Variants in BLK observed in about 807,000 individuals in gnomAD.
BLK encodes the protein tyrosine-protein kinase Blk.
A neutral mutation model predicts 61.8 loss-of-function variants in BLK; 64 were observed. The observed-to-expected ratio is 1.03, with a 90% CI of 0.85 to 1.27. The LOEUF (loss-of-function observed/expected upper bound fraction) is 1.27. BLK is among the 50% of genes most tolerant of loss of function. The pLI, the probability that BLK is intolerant of heterozygous loss-of-function variation, is 0.00. For missense variants in BLK, 853 were observed against 660.5 expected (o/e 1.29, Z -3.19); for synonymous variants, 351 against 272.0 (o/e 1.29, Z -2.86).
intron 9 of BLK, 145 bp downstream of exon 9, chr8:11,556,982 T>C (rs991311463): frequency 1.0e-4 from 31 of 301,038 alleles, no homozygotes; most frequent in African/African-American, 1.7e-4. Context: ...CAGGGAGGGA[T>C]GGAGGGAGGG....
intron 1 of BLK, among the ~76,000 whole-genome samples, chr8:11,537,621 C>A (rs1800186678): frequency 6.6e-6 from 1 of 152,188 alleles, no homozygotes; most frequent in African/African-American, 2.4e-5. Flanking sequence ...GTAACACCCT[C>A]CAGCTGCCAG....
intron 2 of BLK, 122 bp from the exon 3 acceptor site, chr8:11,545,930 G>A (rs1047710196): frequency 4.9e-6 from 5 of 1,025,682 alleles, no homozygotes; most frequent in Middle Eastern, 5.6e-4. Flanking sequence ...ACAGGCAGCT[G>A]CCTCTCCTCC....
chr8:11,555,377 G>T lies in BLK; in HGVS notation c.665G>T (p.Arg222Leu), dbSNP rs898140517. 2.5e-6 allele frequency: 4 copies of T among 1,614,010 alleles called. No homozygotes were observed. The highest frequency in any genetic ancestry group is 2.2e-5 in the South Asian group (2 of 91,080). The stretch of plus-strand genomic sequence containing the variant: ...CAGAGGCTGACCCTGCCCTGTGTGC[G>T]CCCGGCCCCGCAGAATCCCTGGGCC... The part of the protein sequence containing the change: ...LCQRLTLPCV[R>L]PAPQNPWAQD... The change falls in exon 8 of 13, where the codon CGC (arginine) becomes CTC (leucine). Residue 222 changes from arginine (R) to leucine (L), a missense_variant. Coordinates refer to ENST00000259089, the MANE Select transcript of BLK (RefSeq NM_001715.3).
At chr8:11,517,599 T>C (rs1462474691) in intron 1 of BLK, among the ~76,000 whole-genome samples, 1 of 152,184 alleles carries the variant, frequency 6.6e-6, no homozygotes, top group Non-Finnish European at 1.5e-5. Flanking sequence ...TTCCCCGTGA[T>C]GTTTGAGAGC....
At chr8:11,559,084 C>G in intron 10 of BLK, 1 of 444,412 alleles carries the variant, frequency 2.3e-6, no homozygotes, top group Admixed American at 2.4e-5. Flanking sequence ...CCTTCTCTCA[C>G]CCTCCGCTGT....
intron 1 of BLK, among the ~76,000 whole-genome samples, chr8:11,542,448 GTC>G (rs1563108228): frequency 6.6e-6 from 1 of 152,166 alleles, no homozygotes; most frequent in Non-Finnish European, 1.5e-5. Context: ...GTGGTCTCAG[GTC>G]AGACTGGACT....
At chr8:11,515,458 G>A (rs1471833111) in intron 1 of BLK, among the ~76,000 whole-genome samples, 1 of 152,124 alleles carries the variant, frequency 6.6e-6, no homozygotes, top group African/African-American at 2.4e-5. Flanking sequence ...TGTCTGGGAC[G>A]AAGTAAGCAG....
intron 8 of BLK, chr8:11,555,973 C>T (rs1055264756): frequency 1.9e-5 from 5 of 268,772 alleles, no homozygotes; most frequent in Admixed American, 5.0e-5. Context: ...CCCCCCCCCG[C>T]CCACCAGGAT....
intron 1 of BLK, among the ~76,000 whole-genome samples, chr8:11,521,573 G>C (rs1426083329): frequency 1.3e-5 from 2 of 152,246 alleles, no homozygotes; most frequent in African/African-American, 4.8e-5. Context: ...TTGCAGGTGT[G>C]AGCCACTGTA....
intron 1 of BLK, among the ~76,000 whole-genome samples, chr8:11,511,603 T>C (rs1429061375): frequency 1.3e-5 from 2 of 152,238 alleles, no homozygotes; most frequent in Non-Finnish European, 2.9e-5. Flanking sequence ...TGTAATTCAA[T>C]TTCTCTTCTC....
intron 1 of BLK, among the ~76,000 whole-genome samples, chr8:11,502,396 T>C (rs544498312): frequency 6.4e-4 from 97 of 152,214 alleles, no homozygotes; most frequent in Non-Finnish European, 1.0e-3. Context: ...TTCCACCTCC[T>C]GGGTTTAAGG....
intron 10 of BLK, chr8:11,558,571 C>G (rs1801337651): frequency 2.2e-6 from 1 of 446,368 alleles, no homozygotes. Context: ...GGAGGACAGC[C>G]CCACCTTCTG....
intron 1 of BLK, among the ~76,000 whole-genome samples, chr8:11,521,199 A>G (rs1000550623): frequency 6.6e-6 from 1 of 152,216 alleles, no homozygotes; most frequent in African/African-American, 2.4e-5. Flanking sequence ...ATTATCTAAT[A>G]TTTGATTTGT....
intron 6 of BLK, among the ~76,000 whole-genome samples, chr8:11,554,400 C>G (rs1801083021): frequency 6.6e-6 from 1 of 152,106 alleles, no homozygotes; most frequent in South Asian, 2.1e-4. Flanking sequence ...CTAGATTTCT[C>G]AATAGTCCAT....
At chr8:11,562,037 T>A (rs1284327037) in intron 11 of BLK, among the ~76,000 whole-genome samples, 9 of 152,198 alleles carry the variant, frequency 5.9e-5, no homozygotes, top group Admixed American at 5.9e-4. Flanking sequence ...CAGGCTGGTC[T>A]CGAACTCCTG....
intron 1 of BLK, among the ~76,000 whole-genome samples, chr8:11,519,279 C>T (rs998386299): frequency 6.6e-6 from 1 of 152,164 alleles, no homozygotes; most frequent in Non-Finnish European, 1.5e-5. Context: ...TGTGGGGCTG[C>T]TAGGAGCCAA....
At chr8:11,560,881 C>T (rs1180066723) in intron 10 of BLK, 2 of 465,088 alleles carry the variant, frequency 4.3e-6, no homozygotes, top group Admixed American at 4.7e-5. Flanking sequence ...CGAGGGCCTC[C>T]AGCTCCAGGA....
chr8:11,499,600 T>C (rs1273816776), intron 1 of BLK, among the ~76,000 whole-genome samples: 7 of 152,212 alleles, frequency 4.6e-5, no homozygotes, highest in African/African-American at 1.7e-4. Context: ...ATTGCTGAGA[T>C]GACGTTAAGC....
At chr8:11,543,458 C>T (rs758984668) in intron 2 of BLK, 111 bp downstream of exon 2, 105 of 1,432,426 alleles carry the variant, frequency 7.3e-5, no homozygotes, top group South Asian at 2.0e-4. Context: ...AGGGATGTAA[C>T]GATCTGCAAT....
Sources: allele counts gnomAD v4.1 joint callset (sites outside exome capture counted in the v4.1 genomes callset), GRCh38; gene constraint gnomAD v4.1.1; transcripts MANE v1.5; gene names NCBI Gene and HGNC (gene_info 2026-07-23, HGNC 2026-07-21).